ZC3H12B: variants seen among roughly 807,000 people sequenced by gnomAD.
The protein encoded by ZC3H12B is probable ribonuclease ZC3H12B.
ZC3H12B carries 7 observed loss-of-function variants against 43.9 expected under a neutral mutation model. That is an observed-to-expected ratio of 0.16 (90% CI 0.09 to 0.30). The LOEUF (loss-of-function observed/expected upper bound fraction) is 0.30. ZC3H12B is among the 10% of genes least tolerant of loss of function. The pLI is 1.00. For synonymous variants in ZC3H12B, 222 were observed against 241.7 expected (o/e 0.92, Z 0.76); for missense variants, 475 against 670.2 (o/e 0.71, Z 3.22).
At chrX:65,212,735 A>T in the ZC3H12B span, among the ~76,000 whole-genome samples, 3 of 95,804 alleles carry the variant, frequency 3.1e-5, no homozygotes, top group African/African-American at 7.6e-5. Context: ...ATATATAAAT[A>T]TATATATATG....
At chrX:65,385,784 T>A (rs1310753060) in intron 2 of ZC3H12B, among the ~76,000 whole-genome samples, 2 of 112,151 alleles carry the variant, frequency 1.8e-5, no homozygotes, top group Non-Finnish European at 3.8e-5. Flanking sequence ...TGTCGGTTTG[T>A]CATAAATAGC....
chrX:65,180,057 A>G, the ZC3H12B span, among the ~76,000 whole-genome samples: 1 of 111,990 alleles, frequency 8.9e-6, no homozygotes, highest in Admixed American at 9.6e-5. Flanking sequence ...ACAAAAAATG[A>G]AAATTTCAGG....
At chrX:65,231,558 A>G in the ZC3H12B span, among the ~76,000 whole-genome samples, 1 of 111,030 alleles carries the variant, frequency 9.0e-6, no homozygotes, top group Non-Finnish European at 1.9e-5. Context: ...TATTCATAGA[A>G]CTACCCCCAG....
chrX:65,339,553 C>G, the ZC3H12B span, among the ~76,000 whole-genome samples: 1 of 111,910 alleles, frequency 8.9e-6, no homozygotes, highest in Non-Finnish European at 1.9e-5. Flanking sequence ...CCAGTGATGC[C>G]TATCCTCCTA....
chrX:65,161,717 A>G, the ZC3H12B span, among the ~76,000 whole-genome samples: 5 of 111,725 alleles, frequency 4.5e-5, no homozygotes, highest in Admixed American at 4.8e-4. Context: ...TCTTTATCCA[A>G]TTTGCCAGTC....
chrX:65,290,575 T>C, the ZC3H12B span, among the ~76,000 whole-genome samples: 1 of 111,868 alleles, frequency 8.9e-6, no homozygotes, highest in East Asian at 2.8e-4. Context: ...TGGAGCATTA[T>C]TCACAATACC....
At chrX:65,169,976 A>G in the ZC3H12B span, among the ~76,000 whole-genome samples, 1 of 111,108 alleles carries the variant, frequency 9.0e-6, no homozygotes, top group Admixed American at 9.6e-5. Flanking sequence ...ATGGGTCTTG[A>G]CTCTTTATCC....
the ZC3H12B span, among the ~76,000 whole-genome samples, chrX:65,064,185 C>T: frequency 1.8e-5 from 2 of 111,285 alleles, no homozygotes; most frequent in Non-Finnish European, 3.8e-5. Context: ...TATTTCTTGT[C>T]TTCTGCTAGC....
the ZC3H12B span, among the ~76,000 whole-genome samples, chrX:65,063,951 G>T: frequency 1.8e-5 from 2 of 112,061 alleles, no homozygotes; most frequent in Non-Finnish European, 3.8e-5. Context: ...GCATAGAGGT[G>T]TTTATAGTAT....
intron 1 of ZC3H12B, among the ~76,000 whole-genome samples, chrX:65,495,946 A>G (rs1387713818): frequency 1.8e-5 from 2 of 111,479 alleles, no homozygotes; most frequent in African/African-American, 6.5e-5. Flanking sequence ...GGCTCAAACA[A>G]TTCTCCCACC....
At chrX:65,102,578 T>G in the ZC3H12B span, among the ~76,000 whole-genome samples, 4 of 111,780 alleles carry the variant, frequency 3.6e-5, no homozygotes, top group Middle Eastern at 0.018. Flanking sequence ...TACAAGCATT[T>G]CTATACACTA....
chrX:65,291,031 T>TA, the ZC3H12B span, among the ~76,000 whole-genome samples: 4 of 111,338 alleles, frequency 3.6e-5, no homozygotes, highest in African/African-American at 1.3e-4. Flanking sequence ...TAAATACATG[T>TA]AAAAAAATTC....
At chrX:65,164,455 C>T in the ZC3H12B span, among the ~76,000 whole-genome samples, 2 of 111,348 alleles carry the variant, frequency 1.8e-5, no homozygotes, top group Admixed American at 1.9e-4. Context: ...ACTCTTGTGA[C>T]CTCTGGCTAC....
the ZC3H12B span, among the ~76,000 whole-genome samples, chrX:65,204,521 C>T: frequency 8.9e-6 from 1 of 111,942 alleles, no homozygotes; most frequent in Admixed American, 9.5e-5. Context: ...CATTTTCATT[C>T]TTCCTAGACT....
chrX:65,274,800 C>G, the ZC3H12B span, among the ~76,000 whole-genome samples: 1 of 111,348 alleles, frequency 9.0e-6, no homozygotes, highest in African/African-American at 3.3e-5. Context: ...AACAGTCCTA[C>G]AGGTTACCTC....
At chrX:65,102,224 G>A in the ZC3H12B span, among the ~76,000 whole-genome samples, 1 of 111,528 alleles carries the variant, frequency 9.0e-6, no homozygotes, top group Non-Finnish European at 1.9e-5. Context: ...AGGTATTGAT[G>A]GTATATATCT....
At chrX:65,216,075 C>T in the ZC3H12B span, among the ~76,000 whole-genome samples, 1 of 111,055 alleles carries the variant, frequency 9.0e-6, no homozygotes, top group Non-Finnish European at 1.9e-5. Context: ...GCAGCATGGT[C>T]AAATAAAATC....
the ZC3H12B span, among the ~76,000 whole-genome samples, chrX:65,231,704 C>A: frequency 9.0e-6 from 1 of 111,191 alleles, no homozygotes; most frequent in East Asian, 2.8e-4. Context: ...CTGCCCGACC[C>A]CGCAGGCAGT....
the ZC3H12B span, among the ~76,000 whole-genome samples, chrX:65,297,378 A>T: frequency 9.0e-6 from 1 of 111,177 alleles, no homozygotes; most frequent in Non-Finnish European, 1.9e-5. Flanking sequence ...TCAAATCAAG[A>T]ACTCAACTCC....
Sources: allele counts gnomAD v4.1 joint callset (sites outside exome capture counted in the v4.1 genomes callset), GRCh38; gene constraint gnomAD v4.1.1; transcripts MANE v1.5; gene names NCBI Gene and HGNC (gene_info 2026-07-23, HGNC 2026-07-21).